ADGRL3: variants seen among roughly 807,000 people sequenced by gnomAD.
ADGRL3 encodes the protein adhesion G protein-coupled receptor L3.
In ADGRL3, 62 loss-of-function variants were observed where a neutral mutation model predicts 153.5. The ratio of observed to expected loss-of-function variants is 0.40; its 90% confidence interval spans 0.33 to 0.50. The LOEUF (loss-of-function observed/expected upper bound fraction) is 0.50, where lower values mean the gene tolerates loss of function less well. ADGRL3 is among the 20% of genes least tolerant of loss of function. ADGRL3 has a pLI of 0.47. For synonymous variants in ADGRL3, 710 were observed against 672.5 expected (o/e 1.06, Z -0.86); for missense variants, 1,641 against 1,859.4 (o/e 0.88, Z 2.16).
chr4:61,603,920 A>C lies in ADGRL3; in HGVS notation c.473+16480A>C, dbSNP rs78338465. 7.2e-3 allele frequency among the ~76,000 whole-genome samples: 1,099 copies of C among 152,266 alleles called. 9 individuals carry two copies. The highest frequency in any genetic ancestry group is 0.012 in the Non-Finnish European group (824 of 68,010). The stretch of plus-strand genomic sequence containing the variant: ...CCATATGGTGGTCCTTCAATTCTGA[A>C]AGAAAAAAATCAATACCTCAGTATT... On this transcript the variant is annotated intron_variant, in intron 5 of 26. Coordinates refer to ENST00000683033, the MANE Select transcript of ADGRL3 (RefSeq NM_001387552.1).
At chr4:61,530,467 C>G (rs527502101) in intron 4 of ADGRL3, among the ~76,000 whole-genome samples, 1 of 151,818 alleles carries the variant, frequency 6.6e-6, no homozygotes, top group East Asian at 1.9e-4. Context: ...TGTTTCAGCT[C>G]TTGTCAAGGC....
chr4:61,663,385 G>C (rs971350822), intron 5 of ADGRL3, among the ~76,000 whole-genome samples: 1 of 152,238 alleles, frequency 6.6e-6, no homozygotes, highest in Admixed American at 6.5e-5. Context: ...GAAGCTGTTT[G>C]TACTATGCCT....
At chr4:61,765,102 T>G (rs1241484636) in intron 8 of ADGRL3, among the ~76,000 whole-genome samples, 2 of 152,118 alleles carry the variant, frequency 1.3e-5, no homozygotes, top group African/African-American at 4.8e-5. Flanking sequence ...TGTATTTACT[T>G]CAAGAGTTAA....
At chr4:61,726,464 G>A (rs1313524261) in intron 6 of ADGRL3, among the ~76,000 whole-genome samples, 1 of 152,136 alleles carries the variant, frequency 6.6e-6, no homozygotes, top group East Asian at 1.9e-4. Flanking sequence ...CTCCCAAAGT[G>A]CTGGGATTAC....
At chr4:61,597,197 G>T (rs2098992572) in intron 5 of ADGRL3, among the ~76,000 whole-genome samples, 1 of 151,986 alleles carries the variant, frequency 6.6e-6, no homozygotes, top group Admixed American at 6.6e-5. Context: ...GGACTCGTTC[G>T]TGTATTGAGA....
At chr4:61,506,265 C>T (rs1262202766) in intron 3 of ADGRL3, among the ~76,000 whole-genome samples, 1 of 151,956 alleles carries the variant, frequency 6.6e-6, no homozygotes, top group African/African-American at 2.4e-5. Context: ...AGAATGGGGT[C>T]ATTAAAACAT....
chr4:61,868,981 G>C (rs1245053184), intron 9 of ADGRL3, among the ~76,000 whole-genome samples: 1 of 152,102 alleles, frequency 6.6e-6, no homozygotes, highest in Non-Finnish European at 1.5e-5. Context: ...CCAGGCTAGA[G>C]TATAGCAGCT....
At chr4:61,634,550 A>C (rs2093333980) in intron 5 of ADGRL3, among the ~76,000 whole-genome samples, 1 of 152,190 alleles carries the variant, frequency 6.6e-6, no homozygotes, top group South Asian at 2.1e-4. Flanking sequence ...GAAAAAAATA[A>C]GATGAAAACT....
intron 1 of ADGRL3, among the ~76,000 whole-genome samples, chr4:61,324,955 A>T (rs2095435434): frequency 6.6e-6 from 1 of 152,184 alleles, no homozygotes; most frequent in African/African-American, 2.4e-5. Flanking sequence ...AAAGCACCAA[A>T]TACTATTCTT....
intron 2 of ADGRL3, among the ~76,000 whole-genome samples, chr4:61,393,461 A>G (rs1010045686): frequency 1.3e-5 from 2 of 152,144 alleles, no homozygotes; most frequent in African/African-American, 4.8e-5. Flanking sequence ...ATACAAGAGT[A>G]AATGTAAACT....
At chr4:61,956,184 C>T (rs1416140490) in intron 17 of ADGRL3, among the ~76,000 whole-genome samples, 2 of 152,166 alleles carry the variant, frequency 1.3e-5, no homozygotes, top group Non-Finnish European at 2.9e-5. Flanking sequence ...TGCTCCACAG[C>T]CTTGCCAGCA....
At chr4:61,394,946 A>G (rs2096852956) in intron 2 of ADGRL3, among the ~76,000 whole-genome samples, 1 of 152,064 alleles carries the variant, frequency 6.6e-6, no homozygotes, top group African/African-American at 2.4e-5. Context: ...AAACGAAGAA[A>G]CTAAATTTAT....
chr4:61,428,850 T>TCTAC (rs2097314162), intron 2 of ADGRL3, among the ~76,000 whole-genome samples: 1 of 112,236 alleles, frequency 8.9e-6, no homozygotes, highest in African/African-American at 2.8e-5. Flanking sequence ...TATCTATCTA[T>TCTAC]CTATCTATCT....
chr4:61,267,530 C>G (rs1216809948), intron 1 of ADGRL3, among the ~76,000 whole-genome samples: 1 of 151,696 alleles, frequency 6.6e-6, no homozygotes, highest in Non-Finnish European at 1.5e-5. Flanking sequence ...TTGATTTTAG[C>G]TTTCCTAAAA....
intron 10 of ADGRL3, among the ~76,000 whole-genome samples, chr4:61,893,428 A>G (rs892616430): frequency 6.6e-5 from 10 of 151,954 alleles, no homozygotes; most frequent in Admixed American, 5.2e-4. Flanking sequence ...TGGGAGTTAG[A>G]CTCATGCTTG....
chr4:61,600,747 A>G (rs1158662902), intron 5 of ADGRL3, among the ~76,000 whole-genome samples: 1 of 152,208 alleles, frequency 6.6e-6, no homozygotes, highest in Non-Finnish European at 1.5e-5. Flanking sequence ...TTTTCTATGT[A>G]AGTCAAAATA....
chr4:61,906,734 T>G (rs2098697606), intron 11 of ADGRL3, among the ~76,000 whole-genome samples: 1 of 152,110 alleles, frequency 6.6e-6, no homozygotes, highest in African/African-American at 2.4e-5. Context: ...TTTTTTACTT[T>G]TTGAGTTAGG....
At chr4:61,564,752 C>A (rs1000753904) in intron 4 of ADGRL3, among the ~76,000 whole-genome samples, 1 of 152,130 alleles carries the variant, frequency 6.6e-6, no homozygotes, top group African/African-American at 2.4e-5. Context: ...GAGAGATGTG[C>A]CACTCTTCCT....
chr4:61,440,587 C>T (rs988388530), intron 2 of ADGRL3, among the ~76,000 whole-genome samples: 5 of 152,052 alleles, frequency 3.3e-5, no homozygotes, highest in Admixed American at 6.6e-5. Context: ...TTCTTAAGAA[C>T]ATGATTGAGT....
Sources: gnomAD v4.1 joint callset for allele counts (sites outside exome capture counted in the v4.1 genomes callset) on GRCh38, gnomAD v4.1.1 for gene constraint, MANE v1.5 for transcripts, NCBI Gene and HGNC (gene_info 2026-07-23, HGNC 2026-07-21) for gene names.